The following NAA20 variants were observed in gnomAD, a reference collection of about 807,000 sequenced individuals.
NAA20 encodes the protein N-alpha-acetyltransferase 20, NatB catalytic subunit.
Under a neutral mutation model 23.8 loss-of-function variants are expected in NAA20, and 24 were observed. That is an observed-to-expected ratio of 1.01 (90% CI 0.73 to 1.42). The LOEUF is 1.42. Among genes scored for constraint, NAA20 ranks in the 40% most tolerant of loss-of-function variants. NAA20 has a pLI of 0.00. For synonymous variants in NAA20, 83 were observed against 77.7 expected (o/e 1.07, Z -0.36); for missense variants, 166 against 223.1 (o/e 0.74, Z 1.63).
At position 20,021,031 on chromosome 20, in the gene NAA20, C is replaced by T. The variant is rs954112823; in HGVS notation, c.54-1425C>T. Among the ~76,000 whole-genome samples, 22 of 6,298 alleles carry T rather than the reference C, an allele frequency of 3.5e-3. No homozygotes were observed. The East Asian group carries it at 0.06, about 17-fold the overall frequency. 4.1% of individuals were successfully genotyped at this position (6,298 alleles called of 152,430 possible). A position where few individuals can be genotyped will look rare whatever the true frequency, so the allele number is the denominator to read the frequency against. On this transcript the variant is annotated intron_variant, in intron 1 of 5. Coordinates refer to ENST00000334982, the MANE Select transcript of NAA20 (RefSeq NM_016100.5). ...GTGCAGATGCCTGTGTGCGTGGGTT[C>T]GGTGGGCGGGGGGGGGGGGGGACTT... is the stretch of plus-strand genomic sequence containing the variant.
At chr20:20,017,290 A>T (rs1158038995), upstream of NAA20, 1 of 1,463,484 alleles carries the variant, frequency 6.8e-7, no homozygotes, top group African/African-American at 1.4e-5. Context: ...GTAGCCCGGA[A>T]GCAGTACCCC....
chr20:20,026,677 C>T, intron 3 of NAA20, 107 bp from the exon 4 acceptor site: 1 of 1,443,056 alleles, frequency 6.9e-7, no homozygotes, highest in African/African-American at 1.4e-5. Context: ...TACTTAAAAA[C>T]TTCTTTATTA....
intron 1 of NAA20, among the ~76,000 whole-genome samples, chr20:20,019,074 A>G (rs2043251159): frequency 6.6e-6 from 1 of 152,220 alleles, no homozygotes; most frequent in Non-Finnish European, 1.5e-5. Flanking sequence ...ATCTCATCCC[A>G]TAGTCCTTTC....
At position 20,033,231 on chromosome 20, in the gene NAA20, G is replaced by T; in HGVS notation, c.*44G>T. ...AGGCAGATACTCTAGATGCTTTATG[G>T]ACAATATTATTTTCATTGGATGATT... is the stretch of plus-strand genomic sequence containing the variant. On this transcript the variant is annotated 3_prime_UTR_variant, in exon 6 of 6. Coordinates refer to ENST00000334982, the MANE Select transcript of NAA20 (RefSeq NM_016100.5). 1 of 1,442,064 alleles carries T rather than the reference G, an allele frequency of 6.9e-7. No homozygotes were observed. Among genetic ancestry groups the T allele is most frequent in the South Asian group, 1.2e-5 (1 of 85,562 alleles). The allele number at this position is 1,442,064 out of a possible 1,614,324, so 89.3% of individuals were successfully genotyped here. A position where few individuals can be genotyped will look rare whatever the true frequency, so the allele number is the denominator to read the frequency against.
rs747110504 is a variant in NAA20 at position 20,032,517 on chromosome 20, A to AT, written c.321dup (p.Val108CysfsTer9). The AT allele has an allele frequency of 2.5e-6, 4 of 1,610,298 alleles. No individual in the cohort carries two copies. The highest frequency in any genetic ancestry group is 2.7e-5 in the African/African-American group (2 of 74,710). ...TGTTTTTCTTTTAAAGAAAGGGTGG[A>AT]TTTTTTGTGGATCTCTTTGTAAGAG... On this transcript the variant is annotated frameshift_variant, in exon 5 of 6. Coordinates refer to ENST00000334982, the MANE Select transcript of NAA20 (RefSeq NM_016100.5). LOFTEE classifies it high-confidence loss of function.
intron 1 of NAA20, chr20:20,018,846 C>G: frequency 1.0e-6 from 1 of 980,900 alleles, no homozygotes; most frequent in Non-Finnish European, 1.2e-6. Flanking sequence ...CAAGGCATGG[C>G]AAGCACAAGT....
chr20:20,017,492 T>TCGCTTCCCGGCCCC, intron 1 of NAA20, 43 bp downstream of exon 1: 2 of 1,550,618 alleles, frequency 1.3e-6, no homozygotes, highest in Non-Finnish European at 1.7e-6. Flanking sequence ...TGGCCGGGCC[T>TCGCTTCCCGGCCCC]CGCTTCCCGG....
rs749001384 is a variant in NAA20, at chr20:20,020,246, T to C, written c.54-2210T>C. Reference sequence around the variant, plus strand: ...TTGGGAATCACAGTGCGGGGAGTCATGTGGAACTTAGTGTTCAGTTACAAA... The same window carrying C: ...TTGGGAATCACAGTGCGGGGAGTCACGTGGAACTTAGTGTTCAGTTACAAA... On this transcript the variant is annotated intron_variant, in intron 1 of 5. Transcript: ENST00000334982. Among the ~76,000 whole-genome samples the C allele has an allele frequency of 2.4e-4, 36 of 152,252 alleles. 1 individual carries two copies. Among genetic ancestry groups the C allele is most frequent in the Admixed American group, 1.6e-3 (24 of 15,290 alleles).
At chr20:20,029,920 T>C (rs2146468037) in intron 4 of NAA20, among the ~76,000 whole-genome samples, 1 of 152,082 alleles carries the variant, frequency 6.6e-6, no homozygotes, top group East Asian at 1.9e-4. Context: ...TTAACAACCA[T>C]TGCAAAAACC....
chr20:20,021,450 A>G (rs927641147), intron 1 of NAA20, among the ~76,000 whole-genome samples: 7 of 152,212 alleles, frequency 4.6e-5, no homozygotes, highest in African/African-American at 1.7e-4. Flanking sequence ...TGTTAAAACA[A>G]TGCCATTGTT....
chr20:20,022,585 G>A (rs1354708091), intron 2 of NAA20, 105 bp downstream of exon 2: 6 of 996,120 alleles, frequency 6.0e-6, no homozygotes, highest in African/African-American at 3.3e-5. Context: ...TTAAAAACTT[G>A]TAGGTCAGGA....
chr20:20,019,992 T>C (rs376934482), intron 1 of NAA20, among the ~76,000 whole-genome samples: 1 of 152,246 alleles, frequency 6.6e-6, no homozygotes, highest in African/African-American at 2.4e-5. Context: ...AATCCATGGA[T>C]GTAGAACACT....
At chr20:20,032,831 C>T (rs1397086427) in intron 5 of NAA20, among the ~76,000 whole-genome samples, 178 bp downstream of exon 5, 1 of 152,184 alleles carries the variant, frequency 6.6e-6, no homozygotes, top group Middle Eastern at 3.4e-3. Flanking sequence ...ATTAACTAAC[C>T]AATGGTTAAT....
At chr20:20,018,169 A>T (rs1014231059) in intron 1 of NAA20, 5 of 1,395,928 alleles carry the variant, frequency 3.6e-6, no homozygotes, top group Non-Finnish European at 4.0e-6. Context: ...GTTTCTTTGG[A>T]TTCGAGTTAA....
chr20:20,032,652 T>C lies in NAA20; in HGVS notation c.450T>C (p.Tyr150=), dbSNP rs763645395. The part of the protein sequence containing the change: ...ASNGEPDEDA[Y]DMRKALSRDT... Reference sequence around the variant, plus strand: ...ACGGGGAGCCTGATGAGGACGCTTATGGTAAGCTCCCTTCCATGGCAGTAT... The same window carrying C: ...ACGGGGAGCCTGATGAGGACGCTTACGGTAAGCTCCCTTCCATGGCAGTAT... Residue 150 remains tyrosine, a splice_region_variant and synonymous_variant, in exon 5 of 6, where the codon TAT becomes TAC. Coordinates refer to ENST00000334982, the MANE Select transcript of NAA20 (RefSeq NM_016100.5). 5.0e-6 allele frequency: 8 copies of C among 1,594,686 alleles called. No homozygotes were observed. Among genetic ancestry groups the C allele is most frequent in the East Asian group, 4.5e-5 (2 of 44,654 alleles).
rs115436361 is a variant in NAA20, at chr20:20,024,647, T to C, written c.79-1030T>C. Among the ~76,000 whole-genome samples, 801 of 152,316 alleles carry C rather than the reference T, an allele frequency of 5.3e-3. 5 individuals carry two copies. The highest frequency in any genetic ancestry group is 0.017 in the African/African-American group (727 of 41,560). On this transcript the variant is annotated intron_variant, in intron 2 of 5. Coordinates refer to ENST00000334982, the MANE Select transcript of NAA20 (RefSeq NM_016100.5). ...GTCCCATAATCCAGGTGAGCCTATATTTGAAAGTAACCTGTTAGGTCCTAG... is the reference window on the plus strand; with the variant it reads ...GTCCCATAATCCAGGTGAGCCTATACTTGAAAGTAACCTGTTAGGTCCTAG...
At chr20:20,021,581 A>G (rs2043268682) in intron 1 of NAA20, among the ~76,000 whole-genome samples, 1 of 152,244 alleles carries the variant, frequency 6.6e-6, no homozygotes, top group African/African-American at 2.4e-5. Context: ...TTTAAATCTC[A>G]GTAGATATTA....
At chr20:20,030,594 T>C (rs1228986231) in intron 4 of NAA20, among the ~76,000 whole-genome samples, 7 of 152,078 alleles carry the variant, frequency 4.6e-5, no homozygotes, top group African/African-American at 1.2e-4. Flanking sequence ...ACAAAACTTA[T>C]TTTGCACAGA....
intron 4 of NAA20, among the ~76,000 whole-genome samples, chr20:20,029,881 TTTTTGTTTTGTTTTG>T (rs144371833): frequency 3.3e-5 from 5 of 151,954 alleles, no homozygotes; most frequent in South Asian, 2.1e-4. Flanking sequence ...GTTACATAGT[TTTTTGTTTTGTTTTG>T]TTTTGTTTTG....
Sources: allele counts gnomAD v4.1 joint callset (sites outside exome capture counted in the v4.1 genomes callset), GRCh38; gene constraint gnomAD v4.1.1; transcripts MANE v1.5; gene names NCBI Gene and HGNC (gene_info 2026-07-23, HGNC 2026-07-21).